Variants in TOP1 observed in about 807,000 individuals in gnomAD.
The protein encoded by TOP1 is DNA topoisomerase 1.
TOP1 carries 10 observed loss-of-function variants against 111.1 expected under a neutral mutation model. That is an observed-to-expected ratio of 0.09 (90% CI 0.06 to 0.15). The LOEUF (loss-of-function observed/expected upper bound fraction) is 0.15, where lower values mean the gene tolerates loss of function less well. Ranked by LOEUF, TOP1 falls within the 10% of genes least tolerant of loss-of-function variation. The pLI, the probability that TOP1 is intolerant of heterozygous loss-of-function variation, is 1.00. For synonymous variants in TOP1, 271 were observed against 302.9 expected (o/e 0.89, Z 1.10); for missense variants, 474 against 926.7 (o/e 0.51, Z 6.34).
rs749391295 is a variant in TOP1, at chr20:41,032,928, A to G, written c.58+3473A>G. ...GATGGTACCGCCAAATGAAATCTGC[A>G]GCATCCTCAGACTCAATCAGGAAAT... On this transcript the variant is annotated intron_variant, in intron 2 of 20. Coordinates refer to ENST00000361337, the MANE Select transcript of TOP1 (RefSeq NM_003286.4). The surrounding 1 kb of genome is among the most constrained non-coding windows in gnomAD (Gnocchi z 4.3). Among the ~76,000 whole-genome samples the G allele has an allele frequency of 6.6e-6, 1 of 152,210 alleles. No individual in the cohort carries two copies. Among genetic ancestry groups the G allele is most frequent in the Non-Finnish European group, 1.5e-5 (1 of 68,030 alleles).
chr20:41,061,276 A>G lies in TOP1; in HGVS notation c.59-118A>G, dbSNP rs1568680778. 10 of 932,530 alleles carry G rather than the reference A, an allele frequency of 1.1e-5. No individual in the cohort carries two copies. Among genetic ancestry groups the G allele is most frequent in the East Asian group, 4.9e-5 (2 of 40,586 alleles). 57.8% of individuals were successfully genotyped at this position (932,530 alleles called of 1,614,324 possible). ...GCTTTTTTTTTCAGTGGCATGTGCT[A>G]TTATGCCTACCATGCCATTTGAATC... On this transcript the variant is annotated intron_variant, in intron 2 of 20. Coordinates refer to ENST00000361337, the MANE Select transcript of TOP1 (RefSeq NM_003286.4). The surrounding 1 kb of genome is among the most constrained non-coding windows in gnomAD (Gnocchi z 4.6).
chr20:41,103,741 A>G (rs73259892), intron 13 of TOP1, among the ~76,000 whole-genome samples: 9,438 of 152,162 alleles, frequency 0.062, 970 homozygotes, highest in African/African-American at 0.22. Flanking sequence ...AGAACGACCA[A>G]GCTCTTGCTC....
chr20:41,044,103 C>T (rs527430835), intron 2 of TOP1, among the ~76,000 whole-genome samples: 1 of 152,118 alleles, frequency 6.6e-6, no homozygotes, highest in South Asian at 2.1e-4. Flanking sequence ...ATGGAGAAAC[C>T]CCATCTCTAC....
intron 2 of TOP1, among the ~76,000 whole-genome samples, chr20:41,051,816 T>C (rs923745451): frequency 7.2e-5 from 11 of 152,172 alleles, no homozygotes; most frequent in Non-Finnish European, 1.5e-4. Context: ...AATGCACATA[T>C]ACAACCTGAG....
chr20:41,038,222 C>G (rs911912624), intron 2 of TOP1, among the ~76,000 whole-genome samples: 2 of 152,060 alleles, frequency 1.3e-5, no homozygotes, highest in Non-Finnish European at 2.9e-5. Context: ...AATTTAAATT[C>G]GAGTTCTTGA....
At position 41,101,966 on chromosome 20, in the gene TOP1, G is replaced by A. The variant is rs2034070163; in HGVS notation, c.1308+613G>A. Among the ~76,000 whole-genome samples the A allele has an allele frequency of 6.6e-6, 1 of 152,222 alleles. No individual in the cohort carries two copies. The highest frequency in any genetic ancestry group is 2.4e-5 in the African/African-American group (1 of 41,458). On this transcript the variant is annotated intron_variant, in intron 13 of 20. Coordinates refer to ENST00000361337, the MANE Select transcript of TOP1 (RefSeq NM_003286.4). The surrounding 1 kb of genome is among the most constrained non-coding windows in gnomAD (Gnocchi z 4.1). ...GAGATAACTGCCTTGGGGGAAATCA[G>A]TTTTTGTTTGCCAGATAGCTATGTA... is the stretch of plus-strand genomic sequence containing the variant.
In TOP1 at chr20:41,098,476, G is replaced by C. The variant is rs2034012688; in HGVS notation, c.975+139G>C. On this transcript the variant is annotated intron_variant, in intron 11 of 20. Coordinates refer to ENST00000361337, the MANE Select transcript of TOP1 (RefSeq NM_003286.4). This position sits in a 1 kb window ranked among gnomAD's most constrained non-coding sequence, Gnocchi z 5.7. Reference sequence around the variant, plus strand: ...ATGCTAAAGACTTAGAGTTCTCAAAGTCTAAATTTTCTTAAAGGTTTTAGT... The same window carrying C: ...ATGCTAAAGACTTAGAGTTCTCAAACTCTAAATTTTCTTAAAGGTTTTAGT... The C allele has an allele frequency of 1.1e-5, 11 of 1,008,948 alleles. No individual in the cohort carries two copies. Among genetic ancestry groups the C allele is most frequent in the African/African-American group, 3.3e-5 (2 of 60,584 alleles). 62.5% of individuals were successfully genotyped at this position (1,008,948 alleles called of 1,614,324 possible).
Position 41,046,315 on chromosome 20 carries a change from A to G in TOP1, c.59-15079A>G, listed in dbSNP as rs1343396745. On this transcript the variant is annotated intron_variant, in intron 2 of 20. Coordinates refer to ENST00000361337, the MANE Select transcript of TOP1 (RefSeq NM_003286.4). This position sits in a 1 kb window ranked among gnomAD's most constrained non-coding sequence, Gnocchi z 4.3. ...AGTAAAGTAACTAGCTCAAGGCTATATAGTTATAACTAAGCCACAGAGCAG... is the reference window on the plus strand; with the variant it reads ...AGTAAAGTAACTAGCTCAAGGCTATGTAGTTATAACTAAGCCACAGAGCAG... Among the ~76,000 whole-genome samples, 5 of 152,222 alleles carry G rather than the reference A, an allele frequency of 3.3e-5. No individual in the cohort carries two copies. Among genetic ancestry groups the G allele is most frequent in the South Asian group, 2.1e-4 (1 of 4,828 alleles).
At position 41,116,269 on chromosome 20, in the gene TOP1, C is replaced by T; in HGVS notation, c.1708-9C>T. On this transcript the variant is annotated splice_polypyrimidine_tract_variant and intron_variant, in intron 16 of 20. Transcript: ENST00000361337. This position sits in a 1 kb window ranked among gnomAD's most constrained non-coding sequence, Gnocchi z 5.6. ...CTTTGACCTAAATCTGTTGCTTTGT[C>T]TCCTCCAGACTGGTATTCTGAATAA... 1 of 1,599,760 alleles carries T rather than the reference C, an allele frequency of 6.3e-7. No individual in the cohort carries two copies.
rs991641774 is a variant in TOP1 at position 41,034,721 on chromosome 20, A to C, written c.58+5266A>C. 1.3e-5 allele frequency among the ~76,000 whole-genome samples: 2 copies of C among 152,224 alleles called. No individual in the cohort carries two copies. The highest frequency in any genetic ancestry group is 4.8e-5 in the African/African-American group (2 of 41,454). Reference sequence around the variant, plus strand: ...AGAGAAGTGATGTTACTGGTATCTCATGCATATCTCTGGAGTATATAGATC... The same window carrying C: ...AGAGAAGTGATGTTACTGGTATCTCCTGCATATCTCTGGAGTATATAGATC... On this transcript the variant is annotated intron_variant, in intron 2 of 20. Coordinates refer to ENST00000361337, the MANE Select transcript of TOP1 (RefSeq NM_003286.4). This position sits in a 1 kb window ranked among gnomAD's most constrained non-coding sequence, Gnocchi z 4.0.
In TOP1 at chr20:41,029,568, G is replaced by T; in HGVS notation, c.58+113G>T. On this transcript the variant is annotated intron_variant, in intron 2 of 20. Coordinates refer to ENST00000361337, the MANE Select transcript of TOP1 (RefSeq NM_003286.4). The surrounding 1 kb of genome is among the most constrained non-coding windows in gnomAD (Gnocchi z 6.1). ...ATGGCGTCCCAGAGACTAAGTCCCGGCTCCTCGCTCACCGGCCCCATTGTT... is the reference window on the plus strand; with the variant it reads ...ATGGCGTCCCAGAGACTAAGTCCCGTCTCCTCGCTCACCGGCCCCATTGTT... 1.2e-6 allele frequency: 1 copy of T among 847,356 alleles called. No homozygotes were observed. The highest frequency in any genetic ancestry group is 1.9e-6 in the Non-Finnish European group (1 of 522,906). 52.5% of individuals were successfully genotyped at this position (847,356 alleles called of 1,614,324 possible). A position where few individuals can be genotyped will look rare whatever the true frequency, so the allele number is the denominator to read the frequency against.
Position 41,069,158 on chromosome 20 carries a change from A to G in TOP1, c.156-7013A>G, listed in dbSNP as rs2033642358. On this transcript the variant is annotated intron_variant, in intron 3 of 20. Transcript: ENST00000361337. This position sits in a 1 kb window ranked among gnomAD's most constrained non-coding sequence, Gnocchi z 4.1. ...CCAAATCCTACCTGAATTGTAATTGAGAGAATGTAGGATTTTAGGAATATG... is the reference window on the plus strand; with the variant it reads ...CCAAATCCTACCTGAATTGTAATTGGGAGAATGTAGGATTTTAGGAATATG... 6.6e-6 allele frequency among the ~76,000 whole-genome samples: 1 copy of G among 152,246 alleles called. No homozygotes were observed. Among genetic ancestry groups the G allele is most frequent in the Non-Finnish European group, 1.5e-5 (1 of 68,048 alleles).
chr20:41,122,224 T>C lies in TOP1; in HGVS notation c.2195+69T>C. 1 of 1,538,770 alleles carries C rather than the reference T, an allele frequency of 6.5e-7. No individual in the cohort carries two copies. Among genetic ancestry groups the C allele is most frequent in the Non-Finnish European group, 8.9e-7 (1 of 1,122,056 alleles). Reference sequence around the variant, plus strand: ...AAGGTGGAGGGGGTTCCGAGAGCACTGGTGGCCTTCACATGCCATTCCTAA... The same window carrying C: ...AAGGTGGAGGGGGTTCCGAGAGCACCGGTGGCCTTCACATGCCATTCCTAA... On this transcript the variant is annotated intron_variant, in intron 20 of 20. Transcript: ENST00000361337. This position sits in a 1 kb window ranked among gnomAD's most constrained non-coding sequence, Gnocchi z 5.4.
chr20:41,039,144 C>T (rs563065017), intron 2 of TOP1, among the ~76,000 whole-genome samples: 1 of 152,292 alleles, frequency 6.6e-6, no homozygotes, highest in East Asian at 1.9e-4. Context: ...TTCATTCATA[C>T]AAACATTCAG....
intron 3 of TOP1, among the ~76,000 whole-genome samples, chr20:41,065,998 A>G (rs1233597973): frequency 1.3e-5 from 2 of 152,230 alleles, no homozygotes; most frequent in Non-Finnish European, 2.9e-5. Context: ...GACCGTGAAC[A>G]GTATCATCTG....
At chr20:41,038,750 C>T (rs1373055469) in intron 2 of TOP1, among the ~76,000 whole-genome samples, 2 of 152,042 alleles carry the variant, frequency 1.3e-5, no homozygotes, top group Non-Finnish European at 2.9e-5. Context: ...CTTTGGGAGG[C>T]CGAGATGGGC....
At chr20:41,068,817 A>G (rs2033638442) in intron 3 of TOP1, among the ~76,000 whole-genome samples, 1 of 152,222 alleles carries the variant, frequency 6.6e-6, no homozygotes, top group Non-Finnish European at 1.5e-5. Flanking sequence ...TCCATTGTTT[A>G]TCTTTAATAG....
chr20:41,050,403 C>T (rs1003928271), intron 2 of TOP1, among the ~76,000 whole-genome samples: 1 of 152,178 alleles, frequency 6.6e-6, no homozygotes, highest in East Asian at 1.9e-4. Context: ...GCTCTTTGGG[C>T]CTTTAGCCAG....
At chr20:41,038,659 CTTTG>C (rs112780208) in intron 2 of TOP1, among the ~76,000 whole-genome samples, 3 of 152,194 alleles carry the variant, frequency 2.0e-5, no homozygotes, top group East Asian at 3.9e-4. Flanking sequence ...ATACACACCA[CTTTG>C]TTTGTTTCTC....
Sources: gnomAD v4.1 joint callset for allele counts (sites outside exome capture counted in the v4.1 genomes callset) on GRCh38, gnomAD v4.1.1 for gene constraint, Gnocchi (gnomAD v3.1) non-coding constraint, MANE v1.5 for transcripts, NCBI Gene and HGNC (gene_info 2026-07-23, HGNC 2026-07-21) for gene names.